The following NAV2 variants were observed in gnomAD, a reference collection of about 807,000 sequenced individuals.
The protein encoded by NAV2 is neuron navigator 2.
A neutral mutation model predicts 223.2 loss-of-function variants in NAV2; 54 were observed. The ratio of observed to expected loss-of-function variants is 0.24; its 90% CI spans 0.19 to 0.30. The LOEUF is 0.30. NAV2 is among the 10% of genes least tolerant of loss of function. The pLI is 1.00. For missense variants in NAV2, 2,806 were observed against 3,147.5 expected (o/e 0.89, Z 2.60); for synonymous variants, 1,279 against 1,239.3 (o/e 1.03, Z -0.67).
intron 1 of NAV2, among the ~76,000 whole-genome samples, chr11:19,360,429 T>C (rs1253714023): frequency 6.6e-6 from 1 of 152,236 alleles, no homozygotes; most frequent in Non-Finnish European, 1.5e-5. Context: ...TATTTGGAGT[T>C]GTGCCCAATC....
At chr11:19,667,067 T>C (rs1307170005) in intron 1 of NAV2, among the ~76,000 whole-genome samples, 1 of 145,678 alleles carries the variant, frequency 6.9e-6, no homozygotes, top group East Asian at 2.1e-4. Context: ...ACCCAGCCCC[T>C]CTCTGTATGT....
intron 6 of NAV2, among the ~76,000 whole-genome samples, chr11:19,896,639 A>C (rs886870215): frequency 3.9e-5 from 6 of 152,224 alleles, no homozygotes; most frequent in Admixed American, 6.5e-5. Context: ...CATAGGCTTT[A>C]ATGTGTGACC....
At chr11:19,606,564 T>C (rs1703296772) in intron 1 of NAV2, among the ~76,000 whole-genome samples, 3 of 152,138 alleles carry the variant, frequency 2.0e-5, no homozygotes, top group Admixed American at 2.0e-4. Context: ...CTCCTTGCCT[T>C]TCCTCTTGCT....
At chr11:19,800,514 C>CA (rs1483922576) in intron 1 of NAV2, among the ~76,000 whole-genome samples, 2 of 152,138 alleles carry the variant, frequency 1.3e-5, no homozygotes, top group African/African-American at 2.4e-5. Flanking sequence ...AGGACCTGCT[C>CA]AAAAAAATCC....
At chr11:19,537,634 T>C (rs1168306311) in intron 1 of NAV2, among the ~76,000 whole-genome samples, 4 of 152,242 alleles carry the variant, frequency 2.6e-5, no homozygotes, top group African/African-American at 9.6e-5. Context: ...CTGTGTTCTT[T>C]TGCTTCTGCT....
chr11:19,665,004 C>A (rs1251684054), intron 1 of NAV2, among the ~76,000 whole-genome samples: 1 of 152,188 alleles, frequency 6.6e-6, no homozygotes, highest in East Asian at 1.9e-4. Context: ...GCAGACCTGG[C>A]ATTCAGACCT....
chr11:19,518,826 C>T (rs2043548369), intron 1 of NAV2, among the ~76,000 whole-genome samples: 1 of 152,146 alleles, frequency 6.6e-6, no homozygotes, highest in Non-Finnish European at 1.5e-5. Flanking sequence ...AATCTTAACC[C>T]TCAGTGTGAT....
intron 1 of NAV2, among the ~76,000 whole-genome samples, chr11:19,652,159 C>T (rs1404736616): frequency 1.3e-5 from 2 of 152,260 alleles, no homozygotes; most frequent in Non-Finnish European, 2.9e-5. Context: ...ACTTGTCCCC[C>T]TACAATCCCA....
chr11:19,424,544 G>GT (rs927113716), intron 1 of NAV2, among the ~76,000 whole-genome samples: 2 of 152,054 alleles, frequency 1.3e-5, no homozygotes, highest in Admixed American at 6.6e-5. Flanking sequence ...TTAGTTCAGT[G>GT]TTTTTTTGTT....
intron 1 of NAV2, among the ~76,000 whole-genome samples, chr11:19,805,886 G>A (rs2058533413): frequency 6.6e-6 from 1 of 152,174 alleles, no homozygotes. Context: ...CACCAGGTCA[G>A]TTCATAAGTG....
chr11:19,849,769 A>G (rs766198164), intron 3 of NAV2, among the ~76,000 whole-genome samples: 28 of 152,230 alleles, frequency 1.8e-4, no homozygotes, highest in Non-Finnish European at 3.5e-4. Flanking sequence ...CTTAGAATTT[A>G]AAGCAAAGTA....
chr11:19,414,686 T>C (rs948845244), intron 1 of NAV2, among the ~76,000 whole-genome samples: 2 of 152,116 alleles, frequency 1.3e-5, no homozygotes, highest in Non-Finnish European at 2.9e-5. Flanking sequence ...ACTGACCACA[T>C]AATTGAAAGT....
At chr11:19,538,887 C>A (rs2044260636) in intron 1 of NAV2, among the ~76,000 whole-genome samples, 1 of 128,070 alleles carries the variant, frequency 7.8e-6, no homozygotes, top group African/African-American at 4.3e-5. Flanking sequence ...AGGATAATGA[C>A]ATTTTATATA....
intron 11 of NAV2, among the ~76,000 whole-genome samples, chr11:20,032,763 G>T (rs989962656): frequency 6.6e-6 from 1 of 152,224 alleles, no homozygotes; most frequent in African/African-American, 2.4e-5. Context: ...ATTGGGCAGG[G>T]AGCTGGGCTT....
chr11:19,499,422 GA>G (rs1404861379), intron 1 of NAV2, among the ~76,000 whole-genome samples: 1 of 152,250 alleles, frequency 6.6e-6, no homozygotes, highest in Non-Finnish European at 1.5e-5. Context: ...TGCAGTTGGT[GA>G]AATCTGACAG....
chr11:19,983,596 G>T (rs1283320995), intron 10 of NAV2, among the ~76,000 whole-genome samples: 1 of 152,110 alleles, frequency 6.6e-6, no homozygotes, highest in Non-Finnish European at 1.5e-5. Flanking sequence ...CTATAGCCTG[G>T]GTGAAAAACT....
chr11:19,868,331 T>G (rs1187925261), intron 3 of NAV2, among the ~76,000 whole-genome samples: 1 of 152,192 alleles, frequency 6.6e-6, no homozygotes, highest in Non-Finnish European at 1.5e-5. Context: ...GGCTTGCCCT[T>G]GGCTGTGGTG....
chr11:20,084,115 T>C (rs938958064), intron 26 of NAV2, among the ~76,000 whole-genome samples: 5 of 152,210 alleles, frequency 3.3e-5, no homozygotes, highest in African/African-American at 1.2e-4. Context: ...GTTTTGTTTT[T>C]GAGATGGAGT....
At chr11:19,538,069 T>C (rs1285966925) in intron 1 of NAV2, among the ~76,000 whole-genome samples, 2 of 152,222 alleles carry the variant, frequency 1.3e-5, no homozygotes, top group African/African-American at 2.4e-5. Flanking sequence ...GCACCTATGC[T>C]CTGCAGCATG....
Sources: allele counts gnomAD v4.1 joint callset (sites outside exome capture counted in the v4.1 genomes callset), GRCh38; gene constraint gnomAD v4.1.1; transcripts MANE v1.5; gene names NCBI Gene and HGNC (gene_info 2026-07-23, HGNC 2026-07-21).